The following EIPR1 variants were observed in gnomAD, a reference collection of about 807,000 sequenced individuals.
EIPR1 encodes the protein EARP and GARP complex-interacting protein 1.
EIPR1 carries 25 observed loss-of-function variants against 48.1 expected under a neutral mutation model. The ratio of observed to expected loss-of-function variants is 0.52; its 90% CI spans 0.38 to 0.73. The LOEUF is 0.73. Ranked by LOEUF, EIPR1 falls within the 30% of genes least tolerant of loss-of-function variation. EIPR1 has a pLI of 0.00. For synonymous variants in EIPR1, 204 were observed against 201.9 expected, an observed-to-expected ratio of 1.01 and a Z score of -0.09; for missense variants, 415 against 506.2, an observed-to-expected ratio of 0.82 and a Z score of 1.73.
chr2:3,212,073 C>G (rs1037469), intron 5 of EIPR1, among the ~76,000 whole-genome samples: 141,217 of 152,324 alleles, frequency 0.93, 65,888 homozygotes, highest in Non-Finnish European at 0.98. Flanking sequence ...CATTGAGAAG[C>G]TGGGTGTGAA....
chr2:3,253,298 A>G (rs1667057476), intron 4 of EIPR1, among the ~76,000 whole-genome samples: 2 of 152,186 alleles, frequency 1.3e-5, no homozygotes, highest in Non-Finnish European at 1.5e-5. Context: ...TATTTCTTAA[A>G]TGTATTTGAT....
At chr2:3,255,556 T>G (rs1667128973) in intron 4 of EIPR1, among the ~76,000 whole-genome samples, 1 of 152,234 alleles carries the variant, frequency 6.6e-6, no homozygotes, top group Admixed American at 6.5e-5. Flanking sequence ...CAGTTCCCCA[T>G]GACACACACC....
intron 3 of EIPR1, 105 bp from the exon 4 acceptor site, chr2:3,257,560 G>A: frequency 7.2e-7 from 1 of 1,379,334 alleles, no homozygotes; most frequent in Non-Finnish European, 9.9e-7. Context: ...GCGCGCATCT[G>A]CTCTTTAAAA....
At chr2:3,266,239 G>A (rs563343065) in intron 3 of EIPR1, among the ~76,000 whole-genome samples, 6 of 152,328 alleles carry the variant, frequency 3.9e-5, no homozygotes, top group African/African-American at 1.4e-4. Flanking sequence ...CCAGCTGGAG[G>A]AGGAGGAGGT....
intron 3 of EIPR1, among the ~76,000 whole-genome samples, chr2:3,295,156 T>C (rs1668512905): frequency 7.4e-6 from 1 of 136,018 alleles, no homozygotes. Flanking sequence ...CGGCATGTCC[T>C]TTCTACACAC....
At chr2:3,267,649 GGCCA>G (rs1667531543) in intron 3 of EIPR1, among the ~76,000 whole-genome samples, 1 of 152,262 alleles carries the variant, frequency 6.6e-6, no homozygotes, top group African/African-American at 2.4e-5. Context: ...TGCCTGGCAA[GGCCA>G]GCAGTGCCTG....
Position 3,252,076 on chromosome 2 carries a change from G to A in EIPR1, c.416+5223C>T, listed in dbSNP as rs141119407. Among the ~76,000 whole-genome samples the A allele has an allele frequency of 6.0e-3, 911 of 152,312 alleles. 6 individuals are homozygous for A. The highest frequency in any genetic ancestry group is 8.5e-3 in the Non-Finnish European group (579 of 68,020). On this transcript the variant is annotated intron_variant, in intron 4 of 8. Coordinates refer to ENST00000382125, the MANE Select transcript of EIPR1 (RefSeq NM_003310.5). ...TGCAAAGCCCTAGCAAAGGGGCCTCGTTCACAGAACGGTTCAATACGATAT... is the reference window on the plus strand; with the variant it reads ...TGCAAAGCCCTAGCAAAGGGGCCTCATTCACAGAACGGTTCAATACGATAT...
intron 1 of EIPR1, among the ~76,000 whole-genome samples, chr2:3,355,098 AG>A (rs1428374024): frequency 6.6e-6 from 1 of 152,218 alleles, no homozygotes; most frequent in Non-Finnish European, 1.5e-5. Context: ...ATAACTACCA[AG>A]GCAACAAAGA....
intron 3 of EIPR1, among the ~76,000 whole-genome samples, chr2:3,293,830 T>A (rs1048380805): frequency 3.9e-5 from 6 of 152,232 alleles, no homozygotes; most frequent in African/African-American, 1.4e-4. Flanking sequence ...TGAATTTGTC[T>A]GTCGCCGAAC....
intron 3 of EIPR1, among the ~76,000 whole-genome samples, chr2:3,329,180 C>A (rs1669805270): frequency 6.8e-6 from 1 of 147,708 alleles, no homozygotes; most frequent in African/African-American, 2.5e-5. Flanking sequence ...CTAATGATCT[C>A]AGGGCACCAG....
chr2:3,247,489 C>T (rs939929919), intron 4 of EIPR1, among the ~76,000 whole-genome samples: 2 of 152,188 alleles, frequency 1.3e-5, no homozygotes, highest in African/African-American at 4.8e-5. Flanking sequence ...AGCAAGCCGA[C>T]ACAAGAGAAC....
chr2:3,236,961 A>C (rs1666422767), intron 4 of EIPR1, among the ~76,000 whole-genome samples: 1 of 152,128 alleles, frequency 6.6e-6, no homozygotes, highest in African/African-American at 2.4e-5. Context: ...AAAGCTGCTG[A>C]CTATACTGAT....
chr2:3,348,486 C>T (rs10187351), intron 2 of EIPR1, among the ~76,000 whole-genome samples: 2,236 of 152,234 alleles, frequency 0.015, 56 homozygotes, highest in African/African-American at 0.051. Flanking sequence ...CATGATCACA[C>T]CCCCCAGGAA....
At position 3,318,952 on chromosome 2, in the gene EIPR1, A is replaced by G. The variant is rs140660746; in HGVS notation, c.259+19065T>C. The stretch of plus-strand genomic sequence containing the variant: ...AGGAAGAATGCCAAACGATTCTATG[A>G]TGTCTCCTAAAAAGACAAGAAGGAA... On this transcript the variant is annotated intron_variant, in intron 3 of 8. Transcript: ENST00000382125. 2.3e-3 allele frequency: 1,107 copies of G among 471,524 alleles called. 16 individuals carry two copies. The highest frequency in any genetic ancestry group is 0.02 in the African/African-American group (1,025 of 50,178). The allele number at this position is 471,524 out of a possible 1,614,324, so 29.2% of individuals were successfully genotyped here.
chr2:3,189,632 G>C lies in EIPR1; in HGVS notation c.990-124C>G. On this transcript the variant is annotated intron_variant, in intron 8 of 8. Transcript: ENST00000382125. This position sits in a 1 kb window ranked among gnomAD's most constrained non-coding sequence, Gnocchi z 4.6. ...AGGTACTGGGGCCTCAGCTTTCTCCGCTGTGGGATGGGAAGAATTAGAGGA... is the reference window on the plus strand; with the variant it reads ...AGGTACTGGGGCCTCAGCTTTCTCCCCTGTGGGATGGGAAGAATTAGAGGA... The C allele has an allele frequency of 1.1e-6, 1 of 917,234 alleles. No individual in the cohort carries two copies. Among genetic ancestry groups the C allele is most frequent in the Non-Finnish European group, 1.5e-6 (1 of 654,126 alleles). 56.8% of individuals were successfully genotyped at this position (917,234 alleles called of 1,614,324 possible). A position where few individuals can be genotyped will look rare whatever the true frequency, so the allele number is the denominator to read the frequency against.
intron 1 of EIPR1, 154 bp downstream of exon 1, chr2:3,377,494 A>G: frequency 1.0e-6 from 1 of 975,198 alleles, no homozygotes; most frequent in Non-Finnish European, 1.5e-6. Flanking sequence ...AACCTCCTAA[A>G]GCCTCAGTTT....
At chr2:3,316,177 C>A (rs1170288999) in intron 3 of EIPR1, among the ~76,000 whole-genome samples, 5 of 149,150 alleles carry the variant, frequency 3.4e-5, no homozygotes, top group Non-Finnish European at 1.5e-5. Context: ...CACACCCACT[C>A]CCACCATCAC....
chr2:3,352,692 T>C (rs1670614994), intron 2 of EIPR1, among the ~76,000 whole-genome samples: 1 of 152,246 alleles, frequency 6.6e-6, no homozygotes, highest in African/African-American at 2.4e-5. Context: ...TTATTGCACA[T>C]CTTCTCAAGA....
chr2:3,348,546 C>T (rs1439837018), intron 2 of EIPR1, among the ~76,000 whole-genome samples: 2 of 152,176 alleles, frequency 1.3e-5, no homozygotes, highest in African/African-American at 4.8e-5. Flanking sequence ...AGCAAGGACC[C>T]CAGAAATCCT....
Sources: gnomAD v4.1 joint callset for allele counts (sites outside exome capture counted in the v4.1 genomes callset) on GRCh38, gnomAD v4.1.1 for gene constraint, Gnocchi (gnomAD v3.1) non-coding constraint, MANE v1.5 for transcripts, NCBI Gene and HGNC (gene_info 2026-07-23, HGNC 2026-07-21) for gene names.